PTPRS: variants seen among roughly 807,000 people sequenced by gnomAD.
PTPRS encodes the protein receptor-type tyrosine-protein phosphatase S.
Under a neutral mutation model 215.3 loss-of-function variants are expected in PTPRS, and 63 were observed. The ratio of observed to expected loss-of-function variants is 0.29; its 90% CI spans 0.24 to 0.36. The LOEUF (loss-of-function observed/expected upper bound fraction) is 0.36, where lower values mean the gene tolerates loss of function less well. PTPRS is among the 10% of genes least tolerant of loss of function. The pLI is 1.00. For synonymous variants in PTPRS, 1,404 were observed against 1,191.4 expected (o/e 1.18, Z -3.68); for missense variants, 2,258 against 2,825.8 (o/e 0.80, Z 4.56).
intron 8 of PTPRS, among the ~76,000 whole-genome samples, chr19:5,256,832 C>T (rs192085074): frequency 9.2e-5 from 14 of 152,048 alleles, no homozygotes; most frequent in African/African-American, 3.1e-4. Context: ...TCAGGGCCAG[C>T]GGGTGCTGTG....
chr19:5,296,406 C>T (rs772443889), intron 1 of PTPRS, among the ~76,000 whole-genome samples: 2 of 151,946 alleles, frequency 1.3e-5, no homozygotes, highest in Admixed American at 6.5e-5. Context: ...AGGCTGAGGG[C>T]GGAAGCATCG....
intron 11 of PTPRS, among the ~76,000 whole-genome samples, chr19:5,241,498 G>A (rs1484534490): frequency 6.6e-6 from 1 of 151,826 alleles, no homozygotes; most frequent in African/African-American, 2.4e-5. Flanking sequence ...TGCCCAGGCT[G>A]GTCTTGAACT....
intron 2 of PTPRS, among the ~76,000 whole-genome samples, chr19:5,284,376 A>AAAAT (rs367661299): frequency 0.047 from 5,563 of 119,454 alleles, 149 homozygotes; most frequent in East Asian, 0.11. Flanking sequence ...TTAATTAATT[A>AAAAT]AAATAAATAA....
intron 18 of PTPRS, 41 bp from the exon 19 acceptor site, chr19:5,222,261 G>A (rs772002201): frequency 6.5e-7 from 1 of 1,538,384 alleles, no homozygotes; most frequent in Admixed American, 1.7e-5. Flanking sequence ...GCAGAAGAGA[G>A]GCCCCATGAG....
chr19:5,335,980 T>G (rs565615988), intron 1 of PTPRS, among the ~76,000 whole-genome samples: 1 of 151,142 alleles, frequency 6.6e-6, no homozygotes, highest in African/African-American at 2.4e-5. Flanking sequence ...GGCCACGATG[T>G]TGGGGGACCG....
chr19:5,332,365 T>C (rs2050354944), intron 1 of PTPRS, among the ~76,000 whole-genome samples: 1 of 152,184 alleles, frequency 6.6e-6, no homozygotes, highest in Non-Finnish European at 1.5e-5. Context: ...TGACCTTAGG[T>C]GATCTGCCTG....
rs2050599058 is a variant in PTPRS at position 5,339,023 on chromosome 19, G to A, written c.-95+1641C>T. Among the ~76,000 whole-genome samples, 1 of 152,174 alleles carries A rather than the reference G, an allele frequency of 6.6e-6. No individual in the cohort carries two copies. The highest frequency in any genetic ancestry group is 2.1e-4 in the South Asian group (1 of 4,828). Reference sequence around the variant, plus strand: ...GGGTCCCTGTCCTTGGGACCCTAGGGGTCTCTTCCTGCCTCCTCCGGCTTC... The same window carrying A: ...GGGTCCCTGTCCTTGGGACCCTAGGAGTCTCTTCCTGCCTCCTCCGGCTTC... On this transcript the variant is annotated intron_variant, in intron 1 of 37. Transcript: ENST00000262963. This position sits in a 1 kb window ranked among gnomAD's most constrained non-coding sequence, Gnocchi z 4.2.
rs555962378 is a variant in PTPRS, at chr19:5,334,147, C to T, written c.-95+6517G>A. Among the ~76,000 whole-genome samples, 95 of 152,328 alleles carry T rather than the reference C, an allele frequency of 6.2e-4. 1 individual carries two copies. The highest frequency in any genetic ancestry group is 1.9e-3 in the African/African-American group (77 of 41,576). On this transcript the variant is annotated intron_variant, in intron 1 of 37. Transcript: ENST00000262963. ...GCCCAGTCCTGCCGCAGAAGTGGGG[C>T]GGCCTTGATTAAGCAGCCAGTGAAG...
chr19:5,287,964 GCACACACACACACACA>G lies in PTPRS; in HGVS notation c.-94-1746_-94-1731del, dbSNP rs3042434. 4.5e-3 allele frequency among the ~76,000 whole-genome samples: 595 copies of G among 133,366 alleles called. 6 individuals carry two copies. Among genetic ancestry groups the G allele is most frequent in the African/African-American group, 0.016 (574 of 35,648 alleles). 87.5% of individuals were successfully genotyped at this position (133,366 alleles called of 152,430 possible). ...TCACACAGTCAGGCAGCAGAGACGG[GCACACACACACACACA>G]CACACACACACACACACACACACAC... is the stretch of plus-strand genomic sequence containing the variant. On this transcript the variant is annotated intron_variant, in intron 1 of 37. Transcript: ENST00000262963. This position sits in a 1 kb window ranked among gnomAD's most constrained non-coding sequence, Gnocchi z 4.8.
intron 9 of PTPRS, among the ~76,000 whole-genome samples, chr19:5,249,685 T>C (rs187676437): frequency 1.3e-5 from 2 of 152,336 alleles, no homozygotes; most frequent in Middle Eastern, 3.4e-3. Context: ...CCATCACCTA[T>C]ACCAAACTCC....
chr19:5,284,665 G>A (rs2048186109), intron 2 of PTPRS, among the ~76,000 whole-genome samples: 2 of 152,136 alleles, frequency 1.3e-5, no homozygotes, highest in Admixed American at 1.3e-4. Context: ...GCATGAGGCT[G>A]GATGCCGTGG....
In PTPRS at chr19:5,244,238, C is replaced by G. The variant is rs554998589; in HGVS notation, c.1233G>C (p.Gly411=). Residue 411 remains glycine, a synonymous_variant, in exon 11 of 38, where the codon GGG becomes GGC. Coordinates refer to ENST00000262963, the MANE Select transcript of PTPRS (RefSeq NM_002850.4). This position sits in a 1 kb window ranked among gnomAD's most constrained non-coding sequence, Gnocchi z 7.2. ...WVSAVNSIGQ[G]PPSESVVTRT... is the part of the protein sequence containing the mutation. The stretch of plus-strand genomic sequence containing the variant: ...GGGTGACCACGGACTCGCTGGGGGG[C>G]CCCTGGCCGATGGAGTTGACGGCCG... 1 of 1,612,358 alleles carries G rather than the reference C, an allele frequency of 6.2e-7. No individual in the cohort carries two copies. Among genetic ancestry groups the G allele is most frequent in the Admixed American group, 1.7e-5 (1 of 59,972 alleles).
intron 1 of PTPRS, among the ~76,000 whole-genome samples, chr19:5,300,537 G>A (rs896323393): frequency 2.0e-5 from 3 of 151,990 alleles, no homozygotes; most frequent in Non-Finnish European, 2.9e-5. Flanking sequence ...TTGGGAGGCC[G>A]AGGTGGACAG....
At chr19:5,297,632 G>T (rs1303792722) in intron 1 of PTPRS, among the ~76,000 whole-genome samples, 1 of 152,128 alleles carries the variant, frequency 6.6e-6, no homozygotes, top group Non-Finnish European at 1.5e-5. Context: ...GGGGGTCCCT[G>T]GGGGAGCCTC....
chr19:5,328,987 C>T (rs1329014185), intron 1 of PTPRS, among the ~76,000 whole-genome samples: 1 of 152,136 alleles, frequency 6.6e-6, no homozygotes, highest in African/African-American at 2.4e-5. Context: ...GCAGGCCAGG[C>T]GGTAGCTCCC....
chr19:5,288,820 C>T (rs1452910197), intron 1 of PTPRS, among the ~76,000 whole-genome samples: 1 of 152,222 alleles, frequency 6.6e-6, no homozygotes, highest in African/African-American at 2.4e-5. Context: ...AGGGCAGCAT[C>T]AGCCACCTTC....
chr19:5,257,467 TC>T lies in PTPRS; in HGVS notation c.706+549del, dbSNP rs1421543909. 2.2e-6 allele frequency: 1 copy of T among 456,758 alleles called. No individual in the cohort carries two copies. Among genetic ancestry groups the T allele is most frequent in the Non-Finnish European group, 4.4e-6 (1 of 227,516 alleles). The allele number at this position is 456,758 out of a possible 1,614,324, so 28.3% of individuals were successfully genotyped here. On this transcript the variant is annotated intron_variant, in intron 8 of 37. Transcript: ENST00000262963. This position sits in a 1 kb window ranked among gnomAD's most constrained non-coding sequence, Gnocchi z 4.4. ...TAGGAAGAGGCAGAAGGCGCCGGGC[TC>T]CGGACCAGCTGGTGGGGGGTGGGAG...
In PTPRS at chr19:5,239,005, G is replaced by A. The variant is rs761297706; in HGVS notation, c.1763C>T (p.Thr588Met). The A allele has an allele frequency of 1.2e-5, 19 of 1,613,478 alleles. No homozygotes were observed. Among genetic ancestry groups the A allele is most frequent in the African/African-American group, 2.7e-5 (2 of 74,890 alleles). The stretch of plus-strand genomic sequence containing the variant: ...GGCCGCCAGGCGGAAGGCGTACTCC[G>A]TGTTGGGCTTCAGGTCCTCCACCAC... ...SYVVEDLKPNTEYAFRLAARS... is the reference protein window; with the variant it reads ...SYVVEDLKPNMEYAFRLAARS... The change falls in exon 13 of 38, where the codon ACG (threonine) becomes ATG (methionine). Residue 588 changes from threonine (T) to methionine (M), a missense_variant. Around this residue, in one of 6 missense-constraint regions of PTPRS, gnomAD observed 371 missense variants for 446.7 expected, o/e 0.83. Transcript: ENST00000262963.
chr19:5,288,969 G>A (rs374298977), intron 1 of PTPRS, among the ~76,000 whole-genome samples: 9 of 152,196 alleles, frequency 5.9e-5, no homozygotes, highest in Admixed American at 2.0e-4. Context: ...CCCCAGATCC[G>A]CCACTCCAGC....
Sources: allele counts gnomAD v4.1 joint callset (sites outside exome capture counted in the v4.1 genomes callset), GRCh38; gene constraint gnomAD v4.1.1; regional missense constraint gnomAD v4.1.1; non-coding constraint Gnocchi (gnomAD v3.1); transcripts MANE v1.5; gene names NCBI Gene and HGNC (gene_info 2026-07-23, HGNC 2026-07-21).